The following SEMA5A variants were observed in gnomAD, a reference collection of about 807,000 sequenced individuals.
SEMA5A encodes the protein semaphorin-5A.
Under a neutral mutation model 135.5 loss-of-function variants are expected in SEMA5A, and 55 were observed. The ratio of observed to expected loss-of-function variants is 0.41; its 90% CI spans 0.33 to 0.51. The LOEUF (loss-of-function observed/expected upper bound fraction) is 0.51, where lower values mean the gene tolerates loss of function less well. SEMA5A is among the 20% of genes least tolerant of loss of function. The probability of loss-of-function intolerance (pLI) is 0.37; values close to 1 mark genes in which losing one functional copy is unlikely to be tolerated. For missense variants in SEMA5A, 1,290 were observed against 1,419.9 expected (o/e 0.91, Z 1.47); for synonymous variants, 580 against 546.5 (o/e 1.06, Z -0.85).
chr5:9,356,558 G>C (rs1754458078), intron 3 of SEMA5A, among the ~76,000 whole-genome samples: 1 of 152,192 alleles, frequency 6.6e-6, no homozygotes, highest in Non-Finnish European at 1.5e-5. Flanking sequence ...AGTTCAAAGG[G>C]ACTTGTGTTT....
chr5:9,091,193 C>T (rs1475391811), intron 16 of SEMA5A, among the ~76,000 whole-genome samples: 1 of 152,154 alleles, frequency 6.6e-6, no homozygotes, highest in Admixed American at 6.5e-5. Flanking sequence ...GAAAAGGAAC[C>T]AAGTCTACTT....
chr5:9,496,699 A>AGCCT (rs2126810936), intron 1 of SEMA5A, among the ~76,000 whole-genome samples: 1 of 152,330 alleles, frequency 6.6e-6, no homozygotes, highest in Admixed American at 6.5e-5. Flanking sequence ...CTCGGTCACC[A>AGCCT]GCCTGCCTGC....
rs1463794752 is a variant in SEMA5A, at chr5:9,464,608, T to C, written c.-174-26756A>G. 6.6e-5 allele frequency among the ~76,000 whole-genome samples: 10 copies of C among 152,210 alleles called. No individual in the cohort carries two copies. The South Asian group carries it at 2.1e-3, about 32-fold the overall frequency. The stretch of plus-strand genomic sequence containing the variant: ...TCAAATTAGAGTTAAAATGGGGTTT[T>C]CCAATCCATTTGAAATTCCAAAGCC... On this transcript the variant is annotated intron_variant, in intron 1 of 22. Coordinates refer to ENST00000382496, the MANE Select transcript of SEMA5A (RefSeq NM_003966.3).
intron 2 of SEMA5A, among the ~76,000 whole-genome samples, chr5:9,424,932 C>A (rs1757591055): frequency 6.6e-6 from 1 of 152,226 alleles, no homozygotes; most frequent in Non-Finnish European, 1.5e-5. Flanking sequence ...ACCCTGGAAT[C>A]CATTCTCTGA....
intron 1 of SEMA5A, among the ~76,000 whole-genome samples, chr5:9,531,648 G>C (rs1306103927): frequency 6.6e-6 from 1 of 152,174 alleles, no homozygotes; most frequent in African/African-American, 2.4e-5. Flanking sequence ...CATTGGTTCA[G>C]GTCCTTGAGG....
rs1319008890 is a variant in SEMA5A at position 9,110,715 on chromosome 5, G to T, written c.1926-2428C>A. Among the ~76,000 whole-genome samples the T allele has an allele frequency of 2.6e-5, 4 of 152,204 alleles. No individual in the cohort carries two copies. In the South Asian group the frequency reaches 8.3e-4, roughly 32 times the overall value. ...ACCAACTGGGCAAGCAGTTTAGTTTGTCTAAACTTACACATTTGAGCGTAG... is the reference window on the plus strand; with the variant it reads ...ACCAACTGGGCAAGCAGTTTAGTTTTTCTAAACTTACACATTTGAGCGTAG... On this transcript the variant is annotated intron_variant, in intron 15 of 22. Transcript: ENST00000382496.
intron 5 of SEMA5A, among the ~76,000 whole-genome samples, chr5:9,274,375 A>G (rs1449772918): frequency 6.6e-6 from 1 of 152,164 alleles, no homozygotes; most frequent in Admixed American, 6.5e-5. Context: ...TTAGACTCCT[A>G]CACGATAGTG....
At chr5:9,427,556 C>T (rs189620391) in intron 2 of SEMA5A, among the ~76,000 whole-genome samples, 396 of 152,236 alleles carry the variant, frequency 2.6e-3, no homozygotes, top group African/African-American at 9.1e-3. Context: ...AACCTTCTGC[C>T]TTCTTGGTTG....
chr5:9,235,366 G>A lies in SEMA5A; in HGVS notation c.333+2462C>T, dbSNP rs547504782. 7.6e-4 allele frequency among the ~76,000 whole-genome samples: 116 copies of A among 152,274 alleles called. 1 individual carries two copies. The highest frequency in any genetic ancestry group is 2.7e-3 in the African/African-American group (113 of 41,564). The stretch of plus-strand genomic sequence containing the variant: ...TTTGGAAATTAAAGCAGGGATTCCC[G>A]ACCAGGTCAATGTCTGGCAATGTGT... On this transcript the variant is annotated intron_variant, in intron 6 of 22. Coordinates refer to ENST00000382496, the MANE Select transcript of SEMA5A (RefSeq NM_003966.3).
chr5:9,465,286 G>A (rs1245876789), intron 1 of SEMA5A, among the ~76,000 whole-genome samples: 2 of 152,200 alleles, frequency 1.3e-5, no homozygotes, highest in African/African-American at 2.4e-5. Flanking sequence ...AGAATCTTAT[G>A]TAAAATATAG....
intron 1 of SEMA5A, among the ~76,000 whole-genome samples, chr5:9,454,425 A>G (rs990981714): frequency 6.6e-6 from 1 of 152,218 alleles, no homozygotes; most frequent in East Asian, 1.9e-4. Flanking sequence ...TCAAATACCA[A>G]CAGTCACAAG....
intron 1 of SEMA5A, among the ~76,000 whole-genome samples, chr5:9,463,810 G>C (rs1265501418): frequency 6.6e-6 from 1 of 152,176 alleles, no homozygotes; most frequent in East Asian, 1.9e-4. Context: ...ATCAGACTTA[G>C]CCTGGAATGT....
intron 2 of SEMA5A, among the ~76,000 whole-genome samples, chr5:9,388,898 C>CACAA (rs1756021019): frequency 7.3e-6 from 1 of 136,592 alleles, no homozygotes; most frequent in Non-Finnish European, 1.6e-5. Flanking sequence ...GACTCCGTCT[C>CACAA]AAAAAAAAAA....
In SEMA5A at chr5:9,119,070, C is replaced by CGCACCT. The variant is rs1740672825; in HGVS notation, c.1847_1852dup (p.Gln616_Val617dup). 1 of 1,613,698 alleles carries CGCACCT rather than the reference C, an allele frequency of 6.2e-7. No individual in the cohort carries two copies. The highest frequency in any genetic ancestry group is 8.5e-7 in the Non-Finnish European group (1 of 1,179,942). On this transcript the variant is annotated inframe_insertion, in exon 15 of 23. Transcript: ENST00000382496. ...AGTGGGGTTGCTGCAGGAGCGCTGC[C>CGCACCT]GCACCTGGAAGCCGATCCCACAGGT... is the stretch of plus-strand genomic sequence containing the variant.
At chr5:9,325,602 A>G (rs1308701070) in intron 4 of SEMA5A, among the ~76,000 whole-genome samples, 1 of 152,054 alleles carries the variant, frequency 6.6e-6, no homozygotes, top group East Asian at 1.9e-4. Flanking sequence ...ACCTTAATAG[A>G]TGAAGTTCAT....
At chr5:9,106,583 G>A (rs982757810) in intron 16 of SEMA5A, among the ~76,000 whole-genome samples, 1 of 152,158 alleles carries the variant, frequency 6.6e-6, no homozygotes, top group African/African-American at 2.4e-5. Flanking sequence ...CAGCAAATGA[G>A]ACAAACCTTG....
chr5:9,321,955 C>A (rs999907773), intron 4 of SEMA5A, among the ~76,000 whole-genome samples: 8 of 152,056 alleles, frequency 5.3e-5, no homozygotes, highest in Admixed American at 6.5e-5. Flanking sequence ...TGCATCAGGG[C>A]CTTGAGAAAA....
chr5:9,292,521 G>A (rs1231631434), intron 5 of SEMA5A, among the ~76,000 whole-genome samples: 1 of 152,134 alleles, frequency 6.6e-6, no homozygotes, highest in Non-Finnish European at 1.5e-5. Flanking sequence ...AGAAATTGTA[G>A]TTAGGATGTC....
At chr5:9,097,489 CT>C (rs1357099454) in intron 16 of SEMA5A, among the ~76,000 whole-genome samples, 1 of 152,164 alleles carries the variant, frequency 6.6e-6, no homozygotes, top group Non-Finnish European at 1.5e-5. Context: ...GTCTCTGAAG[CT>C]TTTTGTTCAA....
Sources: allele counts gnomAD v4.1 joint callset (sites outside exome capture counted in the v4.1 genomes callset), GRCh38; gene constraint gnomAD v4.1.1; transcripts MANE v1.5; gene names NCBI Gene and HGNC (gene_info 2026-07-23, HGNC 2026-07-21).